The following RFX2 variants were observed in gnomAD, a reference collection of about 807,000 sequenced individuals.
RFX2 encodes regulatory factor X2.
In RFX2, 20 loss-of-function variants were observed where a neutral mutation model predicts 87.8. That is an observed-to-expected ratio of 0.23 (90% CI 0.16 to 0.33). RFX2 has a LOEUF of 0.33. Ranked by LOEUF, RFX2 falls within the 10% of genes least tolerant of loss-of-function variation. RFX2 has a pLI of 1.00. For synonymous variants in RFX2, 397 were observed against 431.3 expected (o/e 0.92, Z 0.98); for missense variants, 767 against 1,012.3 (o/e 0.76, Z 3.29).
At chr19:6,030,932 C>T (rs1353861751) in intron 5 of RFX2, among the ~76,000 whole-genome samples, 1 of 152,140 alleles carries the variant, frequency 6.6e-6, no homozygotes, top group Non-Finnish European at 1.5e-5. Flanking sequence ...CATTTCATTA[C>T]ATAGTGTCAA....
At chr19:6,081,763 G>A (rs2087788405) in intron 1 of RFX2, among the ~76,000 whole-genome samples, 1 of 152,140 alleles carries the variant, frequency 6.6e-6, no homozygotes. Context: ...GACCAGCCTG[G>A]TCAACATGGT....
At chr19:6,091,738 G>A (rs765471079) in intron 1 of RFX2, among the ~76,000 whole-genome samples, 9 of 152,220 alleles carry the variant, frequency 5.9e-5, no homozygotes, top group Non-Finnish European at 1.0e-4. Flanking sequence ...TGAAAATCTC[G>A]AGTGATGGGA....
chr19:6,028,378 T>C (rs1438156868), intron 5 of RFX2, among the ~76,000 whole-genome samples: 1 of 152,194 alleles, frequency 6.6e-6, no homozygotes, highest in East Asian at 1.9e-4. Context: ...CACACAGATA[T>C]ATAGTTGGAA....
intron 16 of RFX2, 75 bp from the exon 17 acceptor site, chr19:5,995,718 G>A: frequency 7.5e-7 from 1 of 1,328,636 alleles, no homozygotes; most frequent in Non-Finnish European, 1.1e-6. Flanking sequence ...GGGGATGCCG[G>A]CCCAACCTTG....
At chr19:6,036,435 G>A (rs560144962) in intron 5 of RFX2, among the ~76,000 whole-genome samples, 1 of 152,286 alleles carries the variant, frequency 6.6e-6, no homozygotes, top group South Asian at 2.1e-4. Flanking sequence ...AGAGAGGACA[G>A]CAAGATTCAT....
At chr19:6,081,447 A>T (rs2087783915) in intron 1 of RFX2, among the ~76,000 whole-genome samples, 1 of 152,270 alleles carries the variant, frequency 6.6e-6, no homozygotes, top group Admixed American at 6.5e-5. Context: ...TGCATGAAGG[A>T]TTAAATAATT....
intron 1 of RFX2, among the ~76,000 whole-genome samples, chr19:6,075,477 A>G (rs1475347547): frequency 6.6e-6 from 1 of 152,216 alleles, no homozygotes; most frequent in Non-Finnish European, 1.5e-5. Context: ...GGTGACAAAG[A>G]CTTACGTGAT....
chr19:6,062,534 T>G (rs2087450370), intron 1 of RFX2, among the ~76,000 whole-genome samples: 1 of 152,218 alleles, frequency 6.6e-6, no homozygotes, highest in Admixed American at 6.5e-5. Flanking sequence ...GAGCCACAGC[T>G]TCCCGACCTA....
At chr19:6,078,622 C>G (rs1169685283) in intron 1 of RFX2, among the ~76,000 whole-genome samples, 1 of 152,116 alleles carries the variant, frequency 6.6e-6, no homozygotes, top group African/African-American at 2.4e-5. Flanking sequence ...GTAAAGGGGC[C>G]TTAAAAAGAT....
rs780961677 is a variant in RFX2, at chr19:6,017,207, G to A, written c.598-936C>T. ...TCGCGCCACACTGTACTCCAGCCTG[G>A]GCGACAGGGCAAGACTTCGTCTCTT... On this transcript the variant is annotated intron_variant, in intron 6 of 17. Coordinates refer to ENST00000303657, the MANE Select transcript of RFX2 (RefSeq NM_000635.4). This position sits in a 1 kb window ranked among gnomAD's most constrained non-coding sequence, Gnocchi z 4.1. Among the ~76,000 whole-genome samples the A allele has an allele frequency of 2.6e-5, 4 of 152,200 alleles. No individual in the cohort carries two copies. The highest frequency in any genetic ancestry group is 5.9e-5 in the Non-Finnish European group (4 of 68,038).
intron 1 of RFX2, among the ~76,000 whole-genome samples, chr19:6,099,515 ATT>A (rs565382038): frequency 1.4e-5 from 2 of 146,440 alleles, no homozygotes; most frequent in Admixed American, 6.8e-5. Flanking sequence ...GGGCTGCGTG[ATT>A]TTTTTTTTTT....
rs2086888869 is a variant in RFX2 at position 6,026,374 on chromosome 19, G to A, written c.523-137C>T. 14 of 748,552 alleles carry A rather than the reference G, an allele frequency of 1.9e-5. No individual in the cohort carries two copies. Among genetic ancestry groups the A allele is most frequent in the Non-Finnish European group, 2.6e-5 (12 of 456,132 alleles). 46.4% of individuals were successfully genotyped at this position (748,552 alleles called of 1,614,324 possible). ...TCGAGCTCCTACAAAATAAAAATGA[G>A]GCTCCACGCAGGCAGGGCGGGGGTG... On this transcript the variant is annotated intron_variant, in intron 5 of 17. Coordinates refer to ENST00000303657, the MANE Select transcript of RFX2 (RefSeq NM_000635.4). The surrounding 1 kb of genome is among the most constrained non-coding windows in gnomAD (Gnocchi z 4.5).
rs756631351 is a variant in RFX2 at position 6,026,285 on chromosome 19, A to AT, written c.523-49_523-48insA. The AT allele has an allele frequency of 6.6e-7, 1 of 1,505,066 alleles. No individual in the cohort carries two copies. Among genetic ancestry groups the AT allele is most frequent in the East Asian group, 2.3e-5 (1 of 44,378 alleles). 93.2% of individuals were successfully genotyped at this position (1,505,066 alleles called of 1,614,324 possible). A position where few individuals can be genotyped will look rare whatever the true frequency, so the allele number is the denominator to read the frequency against. ...CAAAACAAAACAAAATGGAAAAAAA[A>AT]AAAAAGGAAATCAGATGGTTAGCAT... On this transcript the variant is annotated intron_variant, in intron 5 of 17. Transcript: ENST00000303657. This position sits in a 1 kb window ranked among gnomAD's most constrained non-coding sequence, Gnocchi z 4.5.
At chr19:6,095,766 C>T (rs1483328214) in intron 1 of RFX2, among the ~76,000 whole-genome samples, 1 of 152,168 alleles carries the variant, frequency 6.6e-6, no homozygotes, top group African/African-American at 2.4e-5. Context: ...AGGAAACTAC[C>T]GCCCACCACC....
chr19:6,073,170 G>A, intron 1 of RFX2: 1 of 461,366 alleles, frequency 2.2e-6, no homozygotes, highest in Non-Finnish European at 4.0e-6. Flanking sequence ...ATTAGAGACG[G>A]GGTTTCACCA....
intron 1 of RFX2, among the ~76,000 whole-genome samples, chr19:6,102,069 T>G (rs1438265064): frequency 6.6e-6 from 1 of 152,208 alleles, no homozygotes; most frequent in Admixed American, 6.5e-5. Flanking sequence ...TCCACTTATA[T>G]AGTGTATAGT....
In RFX2 at chr19:6,019,512, A is replaced by G. The variant is rs200566574; in HGVS notation, c.598-3241T>C. On this transcript the variant is annotated intron_variant, in intron 6 of 17. Coordinates refer to ENST00000303657, the MANE Select transcript of RFX2 (RefSeq NM_000635.4). ...TTGATGTTGAAGTTAGTGTGTGAGTATGTGTGTGTGTGTGTGTGTGTGTGT... is the reference window on the plus strand; with the variant it reads ...TTGATGTTGAAGTTAGTGTGTGAGTGTGTGTGTGTGTGTGTGTGTGTGTGT... 2.1e-3 allele frequency among the ~76,000 whole-genome samples: 263 copies of G among 127,002 alleles called. 2 individuals are homozygous for G. The East Asian group carries it at 0.023, about 11-fold the overall frequency. 83.3% of individuals were successfully genotyped at this position (127,002 alleles called of 152,430 possible).
At position 6,010,365 on chromosome 19, in the gene RFX2, G is replaced by T; in HGVS notation, c.900-114C>A. On this transcript the variant is annotated intron_variant, in intron 8 of 17. Transcript: ENST00000303657. The surrounding 1 kb of genome is among the most constrained non-coding windows in gnomAD (Gnocchi z 5.0). ...AGGCATGTGTGTGTGATGTTTACAA[G>T]TTGCGGTCAAATACACATAACACAA... The T allele has an allele frequency of 1.4e-6, 1 of 696,208 alleles. No individual in the cohort carries two copies. Among genetic ancestry groups the T allele is most frequent in the Non-Finnish European group, 2.5e-6 (1 of 397,984 alleles). 43.1% of individuals were successfully genotyped at this position (696,208 alleles called of 1,614,324 possible).
rs2086728049 is a variant in RFX2 at position 6,016,534 on chromosome 19, G to A, written c.598-263C>T. Among the ~76,000 whole-genome samples, 1 of 152,128 alleles carries A rather than the reference G, an allele frequency of 6.6e-6. No homozygotes were observed. Among genetic ancestry groups the A allele is most frequent in the East Asian group, 1.9e-4 (1 of 5,182 alleles). On this transcript the variant is annotated intron_variant, in intron 6 of 17. Transcript: ENST00000303657. This position sits in a 1 kb window ranked among gnomAD's most constrained non-coding sequence, Gnocchi z 5.4. ...GCCTCCCAGGTAGCTGGGATTACAGGTGTCCGACACCACATCTGGCTAGTT... is the reference window on the plus strand; with the variant it reads ...GCCTCCCAGGTAGCTGGGATTACAGATGTCCGACACCACATCTGGCTAGTT...
Sources: allele counts gnomAD v4.1 joint callset (sites outside exome capture counted in the v4.1 genomes callset), GRCh38; gene constraint gnomAD v4.1.1; non-coding constraint Gnocchi (gnomAD v3.1); transcripts MANE v1.5; gene names NCBI Gene and HGNC (gene_info 2026-07-23, HGNC 2026-07-21).